The following NBAS variants were observed in gnomAD, a reference collection of about 807,000 sequenced individuals.
NBAS encodes the protein NAG/BC035112 fusion.
Under a neutral mutation model 302.5 loss-of-function variants are expected in NBAS, and 219 were observed. The observed-to-expected ratio is 0.72, with a 90% CI of 0.65 to 0.81. The LOEUF (loss-of-function observed/expected upper bound fraction) is 0.81, where lower values mean the gene tolerates loss of function less well. Among genes scored for constraint, NBAS ranks in the 30% least tolerant of loss-of-function variants. The pLI is 0.00. For synonymous variants in NBAS, 1,118 were observed against 1,021.6 expected (o/e 1.09, Z -1.80); for missense variants, 2,932 against 2,841.6 (o/e 1.03, Z -0.72).
the NBAS span, among the ~76,000 whole-genome samples, chr2:14,975,825 T>C: frequency 1.4e-5 from 2 of 144,656 alleles, no homozygotes; most frequent in South Asian, 4.4e-4. Context: ...TCATGACTGG[T>C]AGAAAAAAAA....
the NBAS span, among the ~76,000 whole-genome samples, chr2:14,799,981 A>G: frequency 3.9e-5 from 6 of 152,152 alleles, no homozygotes; most frequent in Middle Eastern, 3.2e-3. Flanking sequence ...GTCAACATAT[A>G]CTTCAGGTTT....
chr2:15,046,407 T>A, the NBAS span, among the ~76,000 whole-genome samples: 1 of 152,224 alleles, frequency 6.6e-6, no homozygotes, highest in African/African-American at 2.4e-5. Flanking sequence ...GAAATGTTTT[T>A]AATCATTGTA....
At chr2:14,953,142 G>A in the NBAS span, among the ~76,000 whole-genome samples, 1 of 152,222 alleles carries the variant, frequency 6.6e-6, no homozygotes, top group African/African-American at 2.4e-5. Flanking sequence ...AGTGGCTGGA[G>A]CTGTGAGATG....
At chr2:15,031,446 C>A in the NBAS span, among the ~76,000 whole-genome samples, 1 of 152,152 alleles carries the variant, frequency 6.6e-6, no homozygotes, top group Non-Finnish European at 1.5e-5. Context: ...TTGGTTGAGG[C>A]CTCGAGACAA....
At chr2:15,291,626 C>T (rs1246707004) in intron 41 of NBAS, among the ~76,000 whole-genome samples, 2 of 152,218 alleles carry the variant, frequency 1.3e-5, no homozygotes, top group African/African-American at 4.8e-5. Flanking sequence ...CATCTCACAA[C>T]AGGCCTGCTC....
chr2:15,380,785 C>T (rs1249538278), intron 29 of NBAS, among the ~76,000 whole-genome samples: 2 of 152,084 alleles, frequency 1.3e-5, no homozygotes, highest in Non-Finnish European at 2.9e-5. Context: ...AAGGATAGCA[C>T]AGAAATAAGA....
chr2:14,964,327 A>C, the NBAS span, among the ~76,000 whole-genome samples: 1 of 152,350 alleles, frequency 6.6e-6, no homozygotes, highest in African/African-American at 2.4e-5. Flanking sequence ...AGTAAGATTC[A>C]AATCAAATTT....
In NBAS at chr2:15,352,522, C is replaced by T. The variant is rs78609163; in HGVS notation, c.4090-441G>A. On this transcript the variant is annotated intron_variant, in intron 34 of 51. Coordinates refer to ENST00000281513, the MANE Select transcript of NBAS (RefSeq NM_015909.4). The stretch of plus-strand genomic sequence containing the variant: ...AAGGGAGGGATTTGAAGGACAAGTG[C>T]GGGTTTTGACCTTTGGCTTAGAGCT... Among the ~76,000 whole-genome samples the T allele has an allele frequency of 8.5e-3, 1,291 of 152,228 alleles. 19 individuals carry two copies. The highest frequency in any genetic ancestry group is 0.059 in the East Asian group (303 of 5,140).
At chr2:15,156,731 G>T in the NBAS span, among the ~76,000 whole-genome samples, 5 of 152,152 alleles carry the variant, frequency 3.3e-5, no homozygotes, top group African/African-American at 4.8e-5. Context: ...AAATCCTCCA[G>T]ACCACAGCAA....
the NBAS span, among the ~76,000 whole-genome samples, chr2:15,144,765 A>G: frequency 1.1e-4 from 17 of 152,364 alleles, no homozygotes; most frequent in Non-Finnish European, 1.5e-4. Flanking sequence ...ACTCAGAAAC[A>G]GTCCCATATG....
At position 15,475,712 on chromosome 2, in the gene NBAS, T is replaced by C. The variant is rs753816115; in HGVS notation, c.1316A>G (p.His439Arg). The C allele has an allele frequency of 1.9e-6, 3 of 1,614,062 alleles. No individual in the cohort carries two copies. The highest frequency in any genetic ancestry group is 2.5e-6 in the Non-Finnish European group (3 of 1,179,964). Residue 439 changes from histidine (H) to arginine (R), a missense_variant, in exon 14 of 52, where the codon CAT (histidine) becomes CGT (arginine). Coordinates refer to ENST00000281513, the MANE Select transcript of NBAS (RefSeq NM_015909.4). ...CTCCAAACTTAAAAATCCCCCATCA[T>C]GGGTAGCAGTGACTTGAGGTGATGG... ...FEPSPQVTAT[H>R]DGGFLSLECE...
In NBAS at chr2:15,179,264, T is replaced by C. The variant is rs1664709451; in HGVS notation, c.6712-148A>G. On this transcript the variant is annotated intron_variant, in intron 50 of 51. Coordinates refer to ENST00000281513, the MANE Select transcript of NBAS (RefSeq NM_015909.4). ...ATGGTACCGCACTGGATATACTGAA[T>C]ATGGGCGTTGGTACCTGCTTCACTT... The C allele has an allele frequency of 2.2e-5, 26 of 1,172,284 alleles. No homozygotes were observed. In the South Asian group the frequency reaches 2.8e-4, roughly 12 times the overall value. The allele number at this position is 1,172,284 out of a possible 1,614,324, so 72.6% of individuals were successfully genotyped here. A position where few individuals can be genotyped will look rare whatever the true frequency, so the allele number is the denominator to read the frequency against.
chr2:15,276,439 A>G (rs1489562247), intron 43 of NBAS, among the ~76,000 whole-genome samples: 1 of 152,238 alleles, frequency 6.6e-6, no homozygotes, highest in African/African-American at 2.4e-5. Flanking sequence ...TCAAATATTC[A>G]AAGGCTCTTA....
the NBAS span, among the ~76,000 whole-genome samples, chr2:14,818,461 T>C: frequency 2.6e-5 from 4 of 152,208 alleles, no homozygotes; most frequent in Admixed American, 6.5e-5. Flanking sequence ...AGGCAAATAA[T>C]TGACTTGCCC....
chr2:14,942,932 G>A, the NBAS span, among the ~76,000 whole-genome samples: 1 of 152,298 alleles, frequency 6.6e-6, no homozygotes, highest in South Asian at 2.1e-4. Flanking sequence ...TATTGCAAAA[G>A]GAGAGCCAGG....
rs370451354 is a variant in NBAS, at chr2:15,551,446, T to C, written c.379+47A>G. On this transcript the variant is annotated intron_variant, in intron 6 of 51. Transcript: ENST00000281513. ...AACTTTTAAGAAACATTGGAAACCA[T>C]TGCGCATTTGAAATTTTCATTCTTT... The C allele has an allele frequency of 2.5e-4, 311 of 1,250,216 alleles. 1 individual carries two copies. The highest frequency in any genetic ancestry group is 3.3e-4 in the Non-Finnish European group (287 of 860,074). The allele number at this position is 1,250,216 out of a possible 1,614,324, so 77.4% of individuals were successfully genotyped here.
At chr2:14,851,414 G>C in the NBAS span, among the ~76,000 whole-genome samples, 1 of 151,830 alleles carries the variant, frequency 6.6e-6, no homozygotes, top group East Asian at 1.9e-4. Flanking sequence ...CTAAAAACAG[G>C]AGCTGAAATT....
At chr2:15,551,456 G>A (rs750419705) in intron 6 of NBAS, 37 bp downstream of exon 6, 5 of 1,456,556 alleles carry the variant, frequency 3.4e-6, no homozygotes, top group Non-Finnish European at 4.8e-6. Flanking sequence ...TTGCGCATTT[G>A]AAATTTTCAT....
In NBAS at chr2:15,539,963, C is replaced by G. The variant is rs1663722021; in HGVS notation, c.380-607G>C. On this transcript the variant is annotated intron_variant, in intron 6 of 51. Coordinates refer to ENST00000281513, the MANE Select transcript of NBAS (RefSeq NM_015909.4). ...ACAATTTCAAGATTTTGATAATCAA[C>G]AACTTAATAATTCTAATAACTCAGC... Among the ~76,000 whole-genome samples, 3 of 152,072 alleles carry G rather than the reference C, an allele frequency of 2.0e-5. No individual in the cohort carries two copies. In the South Asian group the frequency reaches 6.2e-4, roughly 32 times the overall value.
Sources: gnomAD v4.1 joint callset for allele counts (sites outside exome capture counted in the v4.1 genomes callset) on GRCh38, gnomAD v4.1.1 for gene constraint, MANE v1.5 for transcripts, NCBI Gene and HGNC (gene_info 2026-07-23, HGNC 2026-07-21) for gene names.